The following DPH6 variants were observed in gnomAD, a reference collection of about 807,000 sequenced individuals.
DPH6 encodes the protein diphthamine biosynthesis 6.
In DPH6, 33 loss-of-function variants were observed where a neutral mutation model predicts 38.2. The ratio of observed to expected loss-of-function variants is 0.86; its 90% CI spans 0.65 to 1.15. DPH6 has a LOEUF of 1.15. Among genes scored for constraint, DPH6 ranks in the 50% most tolerant of loss-of-function variants. DPH6 has a pLI of 0.00. For missense variants in DPH6, 325 were observed against 320.0 expected (o/e 1.02, Z -0.12); for synonymous variants, 108 against 103.0 (o/e 1.05, Z -0.30).
intron 3 of DPH6, among the ~76,000 whole-genome samples, chr15:35,238,596 C>G (rs1189386929): frequency 6.6e-6 from 1 of 152,340 alleles, no homozygotes; most frequent in Non-Finnish European, 1.5e-5. Context: ...TGGGAAAAGA[C>G]TATGTTGCCT....
rs1191285860 is a variant in DPH6 at position 35,490,204 on chromosome 15, G to C, written c.313-35384C>G. ...TGGCTCTTTCTTACTCTTCCTAAAGGAAGAAAGGAAGGAAGGAAAGAAAAA... is the reference window on the plus strand; with the variant it reads ...TGGCTCTTTCTTACTCTTCCTAAAGCAAGAAAGGAAGGAAGGAAAGAAAAA... On this transcript the variant is annotated intron_variant, in intron 3 of 8. Coordinates refer to ENST00000256538, the MANE Select transcript of DPH6 (RefSeq NM_080650.4). The C allele has an allele frequency of 5.1e-6, 5 of 984,592 alleles. No homozygotes were observed. In the East Asian group the frequency reaches 5.7e-4, roughly 112 times the overall value. 61.0% of individuals were successfully genotyped at this position (984,592 alleles called of 1,614,324 possible).
intron 3 of DPH6, chr15:35,299,143 G>A (rs543998400): frequency 2.5e-6 from 3 of 1,193,698 alleles, no homozygotes. Context: ...GGAAACATAG[G>A]ATCATATTCG....
chr15:35,324,123 T>G (rs571954655), intron 3 of DPH6, among the ~76,000 whole-genome samples: 1 of 152,134 alleles, frequency 6.6e-6, no homozygotes, highest in Non-Finnish European at 1.5e-5. Flanking sequence ...GGGATAATAA[T>G]AGTACATAAT....
intron 5 of DPH6, among the ~76,000 whole-genome samples, chr15:35,418,052 G>T (rs1327911005): frequency 1.3e-5 from 2 of 152,024 alleles, no homozygotes; most frequent in African/African-American, 2.4e-5. Context: ...CCTTGGAAAA[G>T]ATTTTTCTTT....
intron 6 of DPH6, among the ~76,000 whole-genome samples, chr15:35,402,048 A>ATGC (rs2053227354): frequency 1.3e-5 from 2 of 152,326 alleles, no homozygotes; most frequent in East Asian, 3.9e-4. Flanking sequence ...TTTTGTGCCC[A>ATGC]TGCTGTTGAT....
chr15:35,330,125 A>AGATG (rs1194418929), downstream of DPH6, among the ~76,000 whole-genome samples: 2 of 152,192 alleles, frequency 1.3e-5, no homozygotes, highest in African/African-American at 2.4e-5. Context: ...GTTAAAAGCT[A>AGATG]GCTTAAGGGC....
At chr15:35,373,457 T>C (rs191359048) in intron 8 of DPH6, 64 bp downstream of exon 8, 561 of 1,412,802 alleles carry the variant, frequency 4.0e-4, no homozygotes, top group Non-Finnish European at 5.0e-4. Context: ...GAATTATATA[T>C]GCAAAGCCAA....
the DPH6 span, among the ~76,000 whole-genome samples, chr15:35,181,149 T>C: frequency 6.6e-6 from 1 of 152,086 alleles, no homozygotes; most frequent in East Asian, 1.9e-4. Context: ...AAAATGGGGA[T>C]AGGACTATTT....
downstream of DPH6, among the ~76,000 whole-genome samples, chr15:35,214,418 T>C (rs1456949451): frequency 1.3e-5 from 2 of 152,192 alleles, no homozygotes; most frequent in Non-Finnish European, 2.9e-5. Flanking sequence ...CTCCTTCTCA[T>C]GTTTTTATGT....
intron 3 of DPH6, among the ~76,000 whole-genome samples, chr15:35,282,363 G>C (rs1002350108): frequency 6.6e-5 from 10 of 152,102 alleles, no homozygotes; most frequent in African/African-American, 2.4e-4. Context: ...CTTTTCTGTA[G>C]AGACAAGGTC....
intron 6 of DPH6, among the ~76,000 whole-genome samples, chr15:35,402,814 T>C (rs1046761162): frequency 6.6e-6 from 1 of 152,018 alleles, no homozygotes; most frequent in African/African-American, 2.4e-5. Context: ...TGCATGAAGA[T>C]TTATTAGAAA....
chr15:35,453,437 T>G lies in DPH6; in HGVS notation c.386+1310A>C, dbSNP rs1261541039. On this transcript the variant is annotated intron_variant, in intron 4 of 8. Transcript: ENST00000256538. ...TTTGAACTTCTTAAAAAACACTAAT[T>G]TTTAAACTAAATAATTCTCAGAGAA... Among the ~76,000 whole-genome samples the G allele has an allele frequency of 3.3e-5, 5 of 152,302 alleles. 1 individual carries two copies. Among genetic ancestry groups the G allele is most frequent in the Middle Eastern group, 3.4e-3 (1 of 294 alleles).
chr15:35,308,170 G>T (rs1284015355), intron 3 of DPH6, among the ~76,000 whole-genome samples: 3 of 152,090 alleles, frequency 2.0e-5, no homozygotes, highest in Non-Finnish European at 2.9e-5. Flanking sequence ...TCAGGAAGGT[G>T]AGGTGGGAGA....
At chr15:35,447,648 C>T (rs1160054384) in intron 5 of DPH6, among the ~76,000 whole-genome samples, 2 of 152,136 alleles carry the variant, frequency 1.3e-5, no homozygotes, top group Non-Finnish European at 2.9e-5. Flanking sequence ...AATTTGCCTA[C>T]ACAGAGTGAA....
chr15:35,515,987 C>G (rs1013088809), intron 3 of DPH6, among the ~76,000 whole-genome samples: 1 of 151,998 alleles, frequency 6.6e-6, no homozygotes, highest in Non-Finnish European at 1.5e-5. Context: ...GGTGGTCACT[C>G]AAAAGACCCT....
chr15:35,478,249 G>A (rs2054284382), intron 3 of DPH6, among the ~76,000 whole-genome samples: 1 of 151,704 alleles, frequency 6.6e-6, no homozygotes, highest in African/African-American at 2.4e-5. Flanking sequence ...GCTTACCACT[G>A]TAACAATGTT....
chr15:35,539,967 A>G (rs2055228126), intron 2 of DPH6, among the ~76,000 whole-genome samples: 1 of 152,074 alleles, frequency 6.6e-6, no homozygotes, highest in Non-Finnish European at 1.5e-5. Context: ...AAAGTTACCT[A>G]AAAACCTTTC....
intron 3 of DPH6, among the ~76,000 whole-genome samples, chr15:35,352,946 T>C (rs574786789): frequency 1.3e-5 from 2 of 152,326 alleles, no homozygotes; most frequent in African/African-American, 4.8e-5. Flanking sequence ...GCACCTGTTG[T>C]TTCCTGACTT....
intron 3 of DPH6, among the ~76,000 whole-genome samples, chr15:35,537,342 T>C (rs774229113): frequency 6.6e-6 from 1 of 152,030 alleles, no homozygotes; most frequent in Non-Finnish European, 1.5e-5. Flanking sequence ...TTGTGAAAAA[T>C]GGCAAGACAT....
Sources: allele counts gnomAD v4.1 joint callset (sites outside exome capture counted in the v4.1 genomes callset), GRCh38; gene constraint gnomAD v4.1.1; transcripts MANE v1.5; gene names NCBI Gene and HGNC (gene_info 2026-07-23, HGNC 2026-07-21).